PCDH7: variants seen among roughly 807,000 people sequenced by gnomAD.
The protein encoded by PCDH7 is protocadherin-7.
PCDH7 carries 17 observed loss-of-function variants against 58.9 expected under a neutral mutation model. The observed-to-expected ratio is 0.29, with a 90% CI of 0.20 to 0.43. PCDH7 has a LOEUF of 0.43. PCDH7 is among the 20% of genes least tolerant of loss of function. PCDH7 has a pLI of 1.00. For missense variants in PCDH7, 1,274 were observed against 1,441.0 expected (o/e 0.88, Z 1.88); for synonymous variants, 664 against 616.4 (o/e 1.08, Z -1.14).
intron 1 of PCDH7, among the ~76,000 whole-genome samples, chr4:30,906,069 G>A (rs934191251): frequency 6.6e-6 from 1 of 152,198 alleles, no homozygotes; most frequent in African/African-American, 2.4e-5. Flanking sequence ...TGTGCTTTCC[G>A]TTAAGTTAAT....
At chr4:30,929,329 T>A (rs945400305) in intron 2 of PCDH7, among the ~76,000 whole-genome samples, 1 of 152,204 alleles carries the variant, frequency 6.6e-6, no homozygotes, top group African/African-American at 2.4e-5. Flanking sequence ...AATCCCTTTA[T>A]ACTGAAATAT....
intron 1 of PCDH7, among the ~76,000 whole-genome samples, chr4:30,799,747 A>G (rs1029076821): frequency 1.3e-4 from 20 of 152,182 alleles, no homozygotes; most frequent in African/African-American, 4.6e-4. Context: ...TTAGAAATCA[A>G]GGTTTCCTTA....
chr4:30,742,851 G>A (rs1717262462), intron 1 of PCDH7, among the ~76,000 whole-genome samples: 1 of 152,166 alleles, frequency 6.6e-6, no homozygotes, highest in Non-Finnish European at 1.5e-5. Context: ...ACATCTAAAA[G>A]CCACATAACT....
chr4:30,885,464 T>C (rs1218959935), intron 1 of PCDH7, among the ~76,000 whole-genome samples: 5 of 152,170 alleles, frequency 3.3e-5, no homozygotes, highest in African/African-American at 1.2e-4. Flanking sequence ...GATGTGAGTG[T>C]TAGTTATTTC....
chr4:31,132,739 T>C (rs564179088), intron 3 of PCDH7, among the ~76,000 whole-genome samples: 75 of 152,284 alleles, frequency 4.9e-4, no homozygotes, highest in African/African-American at 1.8e-3. Context: ...TTATTGTTCT[T>C]ATTTGGACTT....
At chr4:31,116,310 G>T (rs933278315) in intron 3 of PCDH7, among the ~76,000 whole-genome samples, 1 of 152,140 alleles carries the variant, frequency 6.6e-6, no homozygotes, top group Non-Finnish European at 1.5e-5. Context: ...TTATAAAAAG[G>T]GTCCATAAAT....
At chr4:30,952,226 G>A (rs1747431645) in intron 3 of PCDH7, among the ~76,000 whole-genome samples, 1 of 152,012 alleles carries the variant, frequency 6.6e-6, no homozygotes, top group South Asian at 2.1e-4. Flanking sequence ...TTCAAATCCT[G>A]TAACATTTAT....
chr4:30,888,575 A>T (rs1738168808), intron 1 of PCDH7, among the ~76,000 whole-genome samples: 1 of 152,224 alleles, frequency 6.6e-6, no homozygotes, highest in African/African-American at 2.4e-5. Flanking sequence ...ACAAATGTGA[A>T]CACTGGATAT....
chr4:30,874,090 G>T (rs937152922), intron 1 of PCDH7, among the ~76,000 whole-genome samples: 23 of 152,038 alleles, frequency 1.5e-4, no homozygotes, highest in Non-Finnish European at 2.8e-4. Flanking sequence ...CTTTTACACT[G>T]TTGGTGGGAC....
chr4:30,926,316 C>G (rs1743865484), intron 2 of PCDH7, among the ~76,000 whole-genome samples: 1 of 151,886 alleles, frequency 6.6e-6, no homozygotes, highest in Non-Finnish European at 1.5e-5. Context: ...TCCAGAGTAG[C>G]TGGGACTATA....
At chr4:30,804,560 G>T (rs1236131250) in intron 1 of PCDH7, among the ~76,000 whole-genome samples, 1 of 151,252 alleles carries the variant, frequency 6.6e-6, no homozygotes. Context: ...AAGATGTCAG[G>T]CATAGGTATA....
At chr4:31,075,120 A>T (rs1758880362) in intron 3 of PCDH7, among the ~76,000 whole-genome samples, 1 of 152,082 alleles carries the variant, frequency 6.6e-6, no homozygotes, top group African/African-American at 2.4e-5. Flanking sequence ...TATATTTATT[A>T]TGTGCACCCC....
chr4:30,789,855 T>C (rs1723887333), intron 1 of PCDH7, among the ~76,000 whole-genome samples: 1 of 152,134 alleles, frequency 6.6e-6, no homozygotes, highest in African/African-American at 2.4e-5. Context: ...CTCTCTTATG[T>C]CCCCCTGTTT....
chr4:31,135,857 C>T (rs1370807619), intron 3 of PCDH7, among the ~76,000 whole-genome samples: 1 of 152,034 alleles, frequency 6.6e-6, no homozygotes, highest in Non-Finnish European at 1.5e-5. Flanking sequence ...CTTTTGTTTT[C>T]CTAAGATATT....
In PCDH7 at chr4:30,780,062, A is replaced by G. The variant is rs558841299; in HGVS notation, c.70+55466A>G. ...TTTTTATTATGAGCCTTCAGAATGG[A>G]AATGAATTAACTCTTAACTTTGGCC... On this transcript the variant is annotated intron_variant, in intron 1 of 3. Transcript: ENST00000509759. Among the ~76,000 whole-genome samples, 9 of 152,324 alleles carry G rather than the reference A, an allele frequency of 5.9e-5. No homozygotes were observed. In the South Asian group the frequency reaches 1.9e-3, roughly 32 times the overall value.
intron 3 of PCDH7, among the ~76,000 whole-genome samples, chr4:30,959,530 T>A (rs2109457635): frequency 6.6e-6 from 1 of 152,276 alleles, no homozygotes; most frequent in Non-Finnish European, 1.5e-5. Flanking sequence ...ATTATGGATT[T>A]TACTTTGACA....
chr4:31,080,234 T>G (rs1759385941), intron 3 of PCDH7, among the ~76,000 whole-genome samples: 1 of 152,058 alleles, frequency 6.6e-6, no homozygotes, highest in African/African-American at 2.4e-5. Context: ...TGATTTTGCT[T>G]CTTTCCCCCT....
chr4:31,108,063 A>T (rs1456126896), intron 3 of PCDH7, among the ~76,000 whole-genome samples: 2 of 152,118 alleles, frequency 1.3e-5, no homozygotes, highest in African/African-American at 4.8e-5. Flanking sequence ...TTCCAAAGAA[A>T]ACTACAGAAA....
intron 3 of PCDH7, among the ~76,000 whole-genome samples, chr4:31,070,713 T>C (rs1475474495): frequency 1.3e-5 from 2 of 152,094 alleles, no homozygotes; most frequent in African/African-American, 2.4e-5. Flanking sequence ...TATATTTAGG[T>C]TACTTTGCAA....
Sources: allele counts gnomAD v4.1 joint callset (sites outside exome capture counted in the v4.1 genomes callset), GRCh38; gene constraint gnomAD v4.1.1; transcripts MANE v1.5; gene names NCBI Gene and HGNC (gene_info 2026-07-23, HGNC 2026-07-21).